The following DNAJB13 variants were observed in gnomAD, a reference collection of about 807,000 sequenced individuals.
DNAJB13 encodes DnaJ heat shock protein family (Hsp40) member B13, also known as dnaJ homolog subfamily B member 13.
DNAJB13 carries 22 observed loss-of-function variants against 35.6 expected under a neutral mutation model. The ratio of observed to expected loss-of-function variants is 0.62; its 90% CI spans 0.44 to 0.88. The LOEUF is 0.88. DNAJB13 is among the 40% of genes least tolerant of loss of function. The pLI is 0.00. For missense variants in DNAJB13, 370 were observed against 384.3 expected (o/e 0.96, Z 0.31); for synonymous variants, 136 against 144.2 (o/e 0.94, Z 0.41).
At chr11:73,967,083 C>A (rs1449883869) in intron 5 of DNAJB13, among the ~76,000 whole-genome samples, 2 of 152,114 alleles carry the variant, frequency 1.3e-5, no homozygotes, top group Admixed American at 1.3e-4. Context: ...GAACTCCTGA[C>A]CTCAGGTGAT....
intron 3 of DNAJB13, 186 bp from the exon 4 acceptor site, chr11:73,964,692 G>T (rs999835527): frequency 1.6e-6 from 1 of 643,756 alleles, no homozygotes; most frequent in African/African-American, 1.8e-5. Flanking sequence ...TGGCCAGTCT[G>T]AGAGGTGGTT....
intron 2 of DNAJB13, 88 bp from the exon 3 acceptor site, chr11:73,959,406 C>T (rs1426562229): frequency 6.7e-7 from 1 of 1,482,098 alleles, no homozygotes; most frequent in Non-Finnish European, 9.1e-7. Flanking sequence ...TGCCCCTTCC[C>T]TTTCTCCATA....
chr11:73,957,886 G>A (rs1199877940), intron 1 of DNAJB13, among the ~76,000 whole-genome samples: 1 of 152,224 alleles, frequency 6.6e-6, no homozygotes, highest in African/African-American at 2.4e-5. Context: ...GGCGCGCACA[G>A]TACAGCCTGA....
chr11:73,968,021 CAG>C (rs1951168081), intron 5 of DNAJB13: 2 of 475,668 alleles, frequency 4.2e-6, no homozygotes, highest in Non-Finnish European at 7.4e-6. Flanking sequence ...ACTAGCAAGA[CAG>C]AGACATACGG....
chr11:73,958,433 G>A lies in DNAJB13; in HGVS notation c.172+13G>A, dbSNP rs371804623. 85 of 1,610,952 alleles carry A rather than the reference G, an allele frequency of 5.3e-5. No homozygotes were observed. In the African/African-American group the frequency reaches 6.3e-4, roughly 12 times the overall value. Reference sequence around the variant, plus strand: ...GTGCTGAGTGACCGTGAGTAGGTGTGGGGCTGAGCACCCCGCTTGATTAGG... The same window carrying A: ...GTGCTGAGTGACCGTGAGTAGGTGTAGGGCTGAGCACCCCGCTTGATTAGG... On this transcript the variant is annotated intron_variant, in intron 2 of 7. Coordinates refer to ENST00000339764, the MANE Select transcript of DNAJB13 (RefSeq NM_153614.4).
At chr11:73,957,609 T>G (rs539375436) in intron 1 of DNAJB13, among the ~76,000 whole-genome samples, 1 of 152,172 alleles carries the variant, frequency 6.6e-6, no homozygotes, top group East Asian at 1.9e-4. Context: ...TGAAGTCAAA[T>G]GAGCCGTCTT....
At chr11:73,967,254 C>T (rs1951143575) in intron 5 of DNAJB13, among the ~76,000 whole-genome samples, 2 of 152,204 alleles carry the variant, frequency 1.3e-5, no homozygotes, top group African/African-American at 4.8e-5. Context: ...CTCGGCCTCC[C>T]AAAGTGCCTG....
Position 73,951,138 on chromosome 11 carries a change from GTAAGT to G in DNAJB13, c.68+3_68+7del, listed in dbSNP as rs1950576413. 1 of 1,613,926 alleles carries G rather than the reference GTAAGT, an allele frequency of 6.2e-7. No individual in the cohort carries two copies. The highest frequency in any genetic ancestry group is 1.3e-5 in the African/African-American group (1 of 74,940). On this transcript the variant is annotated splice_donor_variant and splice_donor_5th_base_variant and intron_variant, in intron 1 of 7. Coordinates refer to ENST00000339764, the MANE Select transcript of DNAJB13 (RefSeq NM_153614.4). LOFTEE classifies it high-confidence loss of function. ...CAGAGGATGCCCAGATCAAGCAGGC[GTAAGT>G]TGGGGTGGGAGCCAGGCCTTAGGGG...
At chr11:73,959,421 C>T (rs906928818) in intron 2 of DNAJB13, 73 bp from the exon 3 acceptor site, 2 of 1,540,138 alleles carry the variant, frequency 1.3e-6, no homozygotes, top group Non-Finnish European at 1.8e-6. Context: ...TCCATATCCG[C>T]CTGCTTCCCA....
chr11:73,959,342 G>C, intron 2 of DNAJB13, 152 bp from the exon 3 acceptor site: 1 of 754,498 alleles, frequency 1.3e-6, no homozygotes, highest in Non-Finnish European at 2.0e-6. Context: ...CTGACTCCTA[G>C]GGTCTCATTC....
chr11:73,954,643 A>AAAAG (rs1554989418), intron 1 of DNAJB13, among the ~76,000 whole-genome samples: 1 of 132,172 alleles, frequency 7.6e-6, no homozygotes, highest in Non-Finnish European at 1.7e-5. Flanking sequence ...AAAAAAAAAT[A>AAAAG]AAATAAATAA....
At chr11:73,959,733 G>T in intron 3 of DNAJB13, 78 bp downstream of exon 3, 2 of 1,350,012 alleles carry the variant, frequency 1.5e-6, no homozygotes, top group South Asian at 1.9e-5. Flanking sequence ...GAGTAGTTTT[G>T]TTTTTATTTT....
In DNAJB13 at chr11:73,968,595, C is replaced by T; in HGVS notation, c.720+137C>T. The T allele has an allele frequency of 5.7e-6, 4 of 700,338 alleles. No homozygotes were observed. The South Asian group carries it at 7.3e-5, about 13-fold the overall frequency. The allele number at this position is 700,338 out of a possible 1,614,324, so 43.4% of individuals were successfully genotyped here. A position where few individuals can be genotyped will look rare whatever the true frequency, so the allele number is the denominator to read the frequency against. On this transcript the variant is annotated intron_variant, in intron 6 of 7. Transcript: ENST00000339764. ...CTGTGGATTCCACCCTCTAAATCAC[C>T]ATCCACTTGGTCCCGTCTGCTCATC...
intron 3 of DNAJB13, among the ~76,000 whole-genome samples, chr11:73,960,177 CTTTT>C (rs958120666): frequency 6.6e-6 from 1 of 151,280 alleles, no homozygotes; most frequent in African/African-American, 2.4e-5. Flanking sequence ...TTCTTTCTTT[CTTTT>C]TTATTTTTAT....
chr11:73,958,924 C>T (rs928792202), intron 2 of DNAJB13, among the ~76,000 whole-genome samples: 1 of 152,176 alleles, frequency 6.6e-6, no homozygotes, highest in South Asian at 2.1e-4. Context: ...AAAGTGTGAT[C>T]CCCGCCCCGG....
intron 3 of DNAJB13, among the ~76,000 whole-genome samples, chr11:73,963,345 CAAAA>C (rs565063917): frequency 2.5e-5 from 3 of 119,696 alleles, no homozygotes; most frequent in African/African-American, 9.3e-5. Context: ...GACTCTGTCT[CAAAA>C]AAAAAAAAGA....
At chr11:73,963,330 A>G (rs1950984466) in intron 3 of DNAJB13, among the ~76,000 whole-genome samples, 1 of 150,516 alleles carries the variant, frequency 6.6e-6, no homozygotes, top group South Asian at 2.1e-4. Context: ...GGGCAACAAG[A>G]TTGAGACTCT....
At position 73,964,907 on chromosome 11, in the gene DNAJB13, G is replaced by A. The variant is rs749830793; in HGVS notation, c.364G>A (p.Asp122Asn). The change falls in exon 4 of 8, where the codon GAT (aspartate) becomes AAT (asparagine). Residue 122 changes from aspartate (D) to asparagine (N), a missense_variant. Asp to Asn is a conservative substitution (Grantham distance 23). Coordinates refer to ENST00000339764, the MANE Select transcript of DNAJB13 (RefSeq NM_153614.4). ...EFFDAEGSEV[D>N]LNFGGLQGRG... is the part of the protein sequence containing the mutation. The stretch of plus-strand genomic sequence containing the variant: ...TTTTGATGCAGAAGGAAGTGAGGTA[G>A]ATTTGAACTTTGGGGGGCTCCAGGG... The A allele has an allele frequency of 1.9e-6, 3 of 1,613,634 alleles. No homozygotes were observed. Among genetic ancestry groups the A allele is most frequent in the Admixed American group, 3.3e-5 (2 of 59,998 alleles).
At chr11:73,959,980 GT>G (rs1950883889) in intron 3 of DNAJB13, 1 of 159,994 alleles carries the variant, frequency 6.3e-6, no homozygotes, top group Non-Finnish European at 1.4e-5. Context: ...GCCCAGGCTG[GT>G]TTCGAACTCC....
Sources: gnomAD v4.1 joint callset for allele counts (sites outside exome capture counted in the v4.1 genomes callset) on GRCh38, gnomAD v4.1.1 for gene constraint, MANE v1.5 for transcripts, NCBI Gene and HGNC (gene_info 2026-07-23, HGNC 2026-07-21) for gene names.